The following ENTPD1 variants were observed in gnomAD, a reference collection of about 807,000 sequenced individuals.
ENTPD1 encodes the protein ATP diphosphohydrolase.
ENTPD1 carries 33 observed loss-of-function variants against 57.0 expected under a neutral mutation model. That is an observed-to-expected ratio of 0.58 (90% CI 0.44 to 0.77). The LOEUF is 0.77. Among genes scored for constraint, ENTPD1 ranks in the 30% least tolerant of loss-of-function variants. ENTPD1 has a pLI of 0.00. For synonymous variants in ENTPD1, 202 were observed against 218.8 expected (o/e 0.92, Z 0.68); for missense variants, 501 against 603.4 (o/e 0.83, Z 1.78).
chr10:95,809,769 A>G (rs1318862204), intron 1 of ENTPD1, among the ~76,000 whole-genome samples: 1 of 145,256 alleles, frequency 6.9e-6, no homozygotes, highest in African/African-American at 2.6e-5. Context: ...GGCTGGGCAG[A>G]GGCACTCCCC....
At chr10:95,697,984 G>A in the ENTPD1 span, among the ~76,000 whole-genome samples, 2 of 152,212 alleles carry the variant, frequency 1.3e-5, no homozygotes, top group Non-Finnish European at 2.9e-5. Flanking sequence ...AGTGAATGGA[G>A]TATTAAGGGT....
intron 1 of ENTPD1, among the ~76,000 whole-genome samples, chr10:95,728,862 A>C (rs555168295): frequency 6.6e-6 from 1 of 152,114 alleles, no homozygotes; most frequent in Non-Finnish European, 1.5e-5. Flanking sequence ...ATTTCTCTCA[A>C]CTGCAAATGG....
chr10:95,859,487 A>G (rs762216941), intron 7 of ENTPD1, among the ~76,000 whole-genome samples: 9 of 152,214 alleles, frequency 5.9e-5, no homozygotes, highest in Non-Finnish European at 1.0e-4. Context: ...AATCTCAGTA[A>G]ACTATGACTC....
chr10:95,760,230 G>A (rs539931335), intron 1 of ENTPD1, among the ~76,000 whole-genome samples: 5 of 152,272 alleles, frequency 3.3e-5, no homozygotes, highest in African/African-American at 9.6e-5. Context: ...AATAGGGAGC[G>A]ATGGCTTCTG....
intron 7 of ENTPD1, among the ~76,000 whole-genome samples, chr10:95,856,498 T>C (rs956510595): frequency 4.6e-5 from 7 of 152,124 alleles, no homozygotes; most frequent in Admixed American, 3.3e-4. Context: ...ACTGGATATC[T>C]ACCCAGAGGA....
intron 9 of ENTPD1, 57 bp from the exon 10 acceptor site, chr10:95,866,120 A>G: frequency 5.1e-6 from 8 of 1,564,618 alleles, no homozygotes; most frequent in Non-Finnish European, 6.1e-6. Flanking sequence ...TCTAAGCCCT[A>G]GGTGATAACT....
chr10:95,830,055 T>TGAA (rs1198123638), intron 2 of ENTPD1, among the ~76,000 whole-genome samples: 1 of 152,176 alleles, frequency 6.6e-6, no homozygotes, highest in East Asian at 1.9e-4. Flanking sequence ...TGTTGCCTCT[T>TGAA]GACCTTGGAC....
chr10:95,726,206 T>C (rs1365279904), intron 1 of ENTPD1, among the ~76,000 whole-genome samples: 2 of 152,196 alleles, frequency 1.3e-5, no homozygotes, highest in Non-Finnish European at 2.9e-5. Flanking sequence ...CTTACCTCCT[T>C]TTAGATCACT....
intron 2 of ENTPD1, among the ~76,000 whole-genome samples, chr10:95,825,601 G>A (rs940199602): frequency 3.3e-5 from 5 of 152,084 alleles, no homozygotes; most frequent in African/African-American, 1.2e-4. Flanking sequence ...TTTTCAAGAT[G>A]GAGTCTCGCT....
chr10:95,795,507 T>C (rs1017733488), intron 1 of ENTPD1, among the ~76,000 whole-genome samples: 1 of 152,214 alleles, frequency 6.6e-6, no homozygotes, highest in Non-Finnish European at 1.5e-5. Flanking sequence ...ATAATACATA[T>C]GTCTGGACCA....
chr10:95,725,845 C>G (rs375012314), intron 1 of ENTPD1, among the ~76,000 whole-genome samples: 124 of 152,304 alleles, frequency 8.1e-4, no homozygotes, highest in African/African-American at 2.7e-3. Context: ...CAGATAATTC[C>G]ATTAAATTTT....
intron 2 of ENTPD1, among the ~76,000 whole-genome samples, chr10:95,838,069 A>T (rs1034114977): frequency 1.3e-5 from 2 of 152,178 alleles, no homozygotes; most frequent in Non-Finnish European, 2.9e-5. Context: ...AGCTTAAATA[A>T]GCAGCCACGT....
chr10:95,848,427 A>G (rs2098439360), intron 7 of ENTPD1, among the ~76,000 whole-genome samples: 1 of 152,050 alleles, frequency 6.6e-6, no homozygotes. Context: ...GGTGACATGG[A>G]TGTGGAAGTT....
At chr10:95,842,961 A>C (rs965517599) in intron 4 of ENTPD1, among the ~76,000 whole-genome samples, 4 of 152,238 alleles carry the variant, frequency 2.6e-5, no homozygotes, top group African/African-American at 9.6e-5. Context: ...CTCTATCCAG[A>C]ATATGAAAAC....
intron 7 of ENTPD1, among the ~76,000 whole-genome samples, chr10:95,854,460 C>T (rs1455088913): frequency 6.6e-6 from 1 of 152,144 alleles, no homozygotes; most frequent in Non-Finnish European, 1.5e-5. Context: ...TTAGTTATTT[C>T]TTGCCTTCTG....
rs1566259304 is a variant in ENTPD1, at chr10:95,866,223, T to C, written c.1373T>C (p.Leu458Pro). The change falls in exon 10 of 10, where the codon CTG becomes CCG. Residue 458 changes from leucine to proline, a missense_variant. Coordinates refer to ENST00000371205, the MANE Select transcript of ENTPD1 (RefSeq NM_001776.6). ...TGGACTTTGGGCTACATGCTGAACC[T>C]GACCAACATGATCCCAGCTGAGCAA... ...AGWTLGYMLNLTNMIPAEQPL... is the reference protein window; with the variant it reads ...AGWTLGYMLNPTNMIPAEQPL... 1 of 1,614,158 alleles carries C rather than the reference T, an allele frequency of 6.2e-7. No homozygotes were observed. The highest frequency in any genetic ancestry group is 1.7e-5 in the Admixed American group (1 of 60,000).
chr10:95,758,473 C>T (rs1441592348), intron 1 of ENTPD1, among the ~76,000 whole-genome samples: 4 of 152,106 alleles, frequency 2.6e-5, no homozygotes, highest in Non-Finnish European at 5.9e-5. Flanking sequence ...GTGTTATTCC[C>T]CTTTAAGCCT....
chr10:95,772,924 T>C (rs1439973347), intron 1 of ENTPD1, among the ~76,000 whole-genome samples: 10 of 152,208 alleles, frequency 6.6e-5, no homozygotes, highest in Admixed American at 6.5e-4. Flanking sequence ...GGGAAATTTA[T>C]AAAGAAAGAA....
intron 8 of ENTPD1, 47 bp downstream of exon 8, chr10:95,860,629 C>T (rs768926031): frequency 2.6e-6 from 4 of 1,520,096 alleles, no homozygotes; most frequent in African/African-American, 2.8e-5. Flanking sequence ...TGCCCTGTGT[C>T]GTTGCTGATG....
Sources: allele counts gnomAD v4.1 joint callset (sites outside exome capture counted in the v4.1 genomes callset), GRCh38; gene constraint gnomAD v4.1.1; transcripts MANE v1.5; gene names NCBI Gene and HGNC (gene_info 2026-07-23, HGNC 2026-07-21).